The following NFAT5 variants were observed in gnomAD, a reference collection of about 807,000 sequenced individuals.
The protein encoded by NFAT5 is nuclear factor of activated T cells 5.
A neutral mutation model predicts 166.5 loss-of-function variants in NFAT5; 31 were observed. The ratio of observed to expected loss-of-function variants is 0.19; its 90% CI spans 0.14 to 0.25. NFAT5 has a LOEUF of 0.25. NFAT5 is among the 10% of genes least tolerant of loss of function. NFAT5 has a pLI of 1.00. For missense variants in NFAT5, 1,449 were observed against 1,821.8 expected, an observed-to-expected ratio of 0.80 and a Z score of 3.72; for synonymous variants, 612 against 639.7, an observed-to-expected ratio of 0.96 and a Z score of 0.65.
intron 3 of NFAT5, among the ~76,000 whole-genome samples, chr16:69,635,872 C>T (rs2034943578): frequency 6.6e-6 from 1 of 152,146 alleles, no homozygotes; most frequent in African/African-American, 2.4e-5. Flanking sequence ...CTCCAAATCT[C>T]ATGTCCTCAC....
intron 11 of NFAT5, among the ~76,000 whole-genome samples, chr16:69,686,257 G>GC (rs2037298726): frequency 6.6e-6 from 1 of 151,948 alleles, no homozygotes; most frequent in African/African-American, 2.4e-5. Context: ...GGAGGCTGAG[G>GC]CAAGAGAATC....
intron 2 of NFAT5, among the ~76,000 whole-genome samples, chr16:69,578,088 A>G (rs956091639): frequency 2.6e-5 from 4 of 152,114 alleles, no homozygotes; most frequent in Non-Finnish European, 5.9e-5. Flanking sequence ...CTATTTATGT[A>G]GCACTTACAT....
chr16:69,611,394 T>G (rs187031977), intron 2 of NFAT5, among the ~76,000 whole-genome samples: 116 of 152,336 alleles, frequency 7.6e-4, no homozygotes, highest in Non-Finnish European at 1.1e-3. Flanking sequence ...CTTATTTTAC[T>G]GGTAACAATT....
At chr16:69,681,683 C>T (rs551920784) in intron 10 of NFAT5, among the ~76,000 whole-genome samples, 15 of 152,010 alleles carry the variant, frequency 9.9e-5, no homozygotes, top group African/African-American at 3.4e-4. Flanking sequence ...TTTGGGAGGC[C>T]GAGGTGGGCG....
Position 69,659,818 on chromosome 16 carries a change from A to C in NFAT5, c.1288A>C (p.Arg430=). ...TTCCAAGAAGAAAAGCACTCGTGCCAGATTGGTTTTTCGAGTTAATATCAT... is the reference window on the plus strand; with the variant it reads ...TTCCAAGAAGAAAAGCACTCGTGCCCGATTGGTTTTTCGAGTTAATATCAT... ...AGSKKKSTRA[R]LVFRVNIMRK... The change falls in exon 7 of 15, where the codon AGA becomes CGA. Residue 430 remains arginine, a synonymous_variant. Transcript: ENST00000349945. 6.2e-7 allele frequency: 1 copy of C among 1,614,116 alleles called. No homozygotes were observed.
At chr16:69,592,667 A>G (rs989177923) in intron 2 of NFAT5, among the ~76,000 whole-genome samples, 3 of 152,128 alleles carry the variant, frequency 2.0e-5, no homozygotes, top group African/African-American at 7.2e-5. Flanking sequence ...TAGTTTTCTC[A>G]TCTTTTGATT....
rs948651864 is a variant in NFAT5, at chr16:69,697,790, G to A, written c.*1439G>A. ...CATGCTTATGTCTCATTTTCCTTTT[G>A]GCATGTGGAAAGCTGTCAATGCAGT... On this transcript the variant is annotated 3_prime_UTR_variant, in exon 15 of 15. Coordinates refer to ENST00000349945, the MANE Select transcript of NFAT5 (RefSeq NM_138713.4). 4.6e-5 allele frequency: 7 copies of A among 152,520 alleles called. No individual in the cohort carries two copies. The highest frequency in any genetic ancestry group is 1.4e-4 in the African/African-American group (6 of 41,410). The allele number at this position is 152,520 out of a possible 1,614,324, so 9.4% of individuals were successfully genotyped here.
intron 2 of NFAT5, among the ~76,000 whole-genome samples, chr16:69,598,723 A>G (rs2032953958): frequency 6.6e-6 from 1 of 152,118 alleles, no homozygotes; most frequent in African/African-American, 2.4e-5. Flanking sequence ...TAAAGAAATG[A>G]TTATAAAAAT....
At chr16:69,600,633 A>C (rs1352532284) in intron 2 of NFAT5, among the ~76,000 whole-genome samples, 1 of 152,028 alleles carries the variant, frequency 6.6e-6, no homozygotes, top group African/African-American at 2.4e-5. Context: ...AAGTATGGGA[A>C]ATTTATGTCC....
intron 2 of NFAT5, among the ~76,000 whole-genome samples, chr16:69,611,320 T>G (rs1395737835): frequency 6.6e-6 from 1 of 152,216 alleles, no homozygotes; most frequent in Non-Finnish European, 1.5e-5. Context: ...GTTTTAAGTA[T>G]GTGTTCTAAA....
intron 3 of NFAT5, among the ~76,000 whole-genome samples, chr16:69,643,076 G>T (rs2035283859): frequency 6.6e-6 from 1 of 151,522 alleles, no homozygotes. Context: ...AATTAGCTGG[G>T]CGTGGTGGTA....
chr16:69,615,466 C>G (rs1358588484), intron 2 of NFAT5, among the ~76,000 whole-genome samples: 1 of 152,222 alleles, frequency 6.6e-6, no homozygotes, highest in Non-Finnish European at 1.5e-5. Context: ...TACTATTTCT[C>G]TGAAAAGCCC....
intron 3 of NFAT5, among the ~76,000 whole-genome samples, chr16:69,641,914 A>G (rs2035231103): frequency 6.6e-6 from 1 of 151,968 alleles, no homozygotes; most frequent in Non-Finnish European, 1.5e-5. Flanking sequence ...CCTGGGCAAC[A>G]TGGTGAAACC....
chr16:69,676,202 A>G (rs1382470010), intron 9 of NFAT5, among the ~76,000 whole-genome samples: 9 of 152,160 alleles, frequency 5.9e-5, no homozygotes, highest in African/African-American at 1.9e-4. Context: ...ATCCCCTACC[A>G]TTATAATAAT....
At chr16:69,685,015 T>A in intron 11 of NFAT5, 45 bp downstream of exon 11, 1 of 1,354,806 alleles carries the variant, frequency 7.4e-7, no homozygotes, top group Non-Finnish European at 1.0e-6. Flanking sequence ...GGTGCTCCTG[T>A]ATGTTTTCTC....
intron 2 of NFAT5, among the ~76,000 whole-genome samples, chr16:69,574,211 G>A (rs2016607801): frequency 1.3e-5 from 2 of 151,958 alleles, no homozygotes; most frequent in South Asian, 4.2e-4. Context: ...ACTCCTCAGA[G>A]TATATTTTAT....
Position 69,647,682 on chromosome 16 carries a change from G to A in NFAT5, c.812+96G>A. 5 of 1,133,302 alleles carry A rather than the reference G, an allele frequency of 4.4e-6. No homozygotes were observed. Among genetic ancestry groups the A allele is most frequent in the Non-Finnish European group, 6.2e-6 (5 of 810,822 alleles). The allele number at this position is 1,133,302 out of a possible 1,614,324, so 70.2% of individuals were successfully genotyped here. A position where few individuals can be genotyped will look rare whatever the true frequency, so the allele number is the denominator to read the frequency against. On this transcript the variant is annotated intron_variant, in intron 4 of 14. Transcript: ENST00000349945. This position sits in a 1 kb window ranked among gnomAD's most constrained non-coding sequence, Gnocchi z 4.8. ...TTTCCTAATTGCTGAGCTCAAGTTT[G>A]CATATAAAGCAACAGTGCTAATTTT...
chr16:69,662,438 C>A (rs999778995), intron 7 of NFAT5, among the ~76,000 whole-genome samples: 4 of 145,658 alleles, frequency 2.7e-5, no homozygotes, highest in African/African-American at 7.5e-5. Flanking sequence ...CAGAGGTAGA[C>A]AACACCTCTT....
chr16:69,630,677 G>T (rs1321894923), intron 3 of NFAT5, among the ~76,000 whole-genome samples: 3 of 152,170 alleles, frequency 2.0e-5, no homozygotes, highest in African/African-American at 7.2e-5. Context: ...AAAATAAGGA[G>T]TTTATTAAGA....
Sources: allele counts gnomAD v4.1 joint callset (sites outside exome capture counted in the v4.1 genomes callset), GRCh38; gene constraint gnomAD v4.1.1; non-coding constraint Gnocchi (gnomAD v3.1); transcripts MANE v1.5; gene names NCBI Gene and HGNC (gene_info 2026-07-23, HGNC 2026-07-21).